The following CHRM2 variants were observed in gnomAD, a reference collection of about 807,000 sequenced individuals.
CHRM2 encodes muscarinic acetylcholine receptor M2.
A neutral mutation model predicts 25.0 loss-of-function variants in CHRM2; 8 were observed. The observed-to-expected ratio is 0.32, with a 90% CI of 0.19 to 0.58. CHRM2 has a LOEUF of 0.58. CHRM2 is among the 20% of genes least tolerant of loss of function. The pLI is 0.88. For synonymous variants in CHRM2, 202 were observed against 205.7 expected, an observed-to-expected ratio of 0.98 and a Z score of 0.15; for missense variants, 440 against 567.1, an observed-to-expected ratio of 0.78 and a Z score of 2.28.
At chr7:136,922,800 G>A (rs1423038797) in intron 2 of CHRM2, among the ~76,000 whole-genome samples, 1 of 152,174 alleles carries the variant, frequency 6.6e-6, no homozygotes, top group Admixed American at 6.5e-5. Context: ...GGCTCTGTAT[G>A]TTGCATTGTT....
intron 2 of CHRM2, among the ~76,000 whole-genome samples, chr7:136,939,390 C>T (rs1349838320): frequency 6.6e-6 from 1 of 152,128 alleles, no homozygotes; most frequent in Non-Finnish European, 1.5e-5. Context: ...TTCTAATGCC[C>T]CTTTTGGGAT....
intron 2 of CHRM2, among the ~76,000 whole-genome samples, chr7:136,932,267 A>C (rs1799149943): frequency 6.6e-6 from 1 of 152,214 alleles, no homozygotes; most frequent in South Asian, 2.1e-4. Context: ...AGGAAACAAA[A>C]TGGAAATAGA....
At chr7:136,984,297 G>A (rs1219976745) in intron 2 of CHRM2, among the ~76,000 whole-genome samples, 3 of 152,282 alleles carry the variant, frequency 2.0e-5, no homozygotes, top group African/African-American at 7.2e-5. Flanking sequence ...CCCCCACCAA[G>A]CTGGAGCATC....
chr7:136,908,240 A>G (rs1797661910), intron 2 of CHRM2, among the ~76,000 whole-genome samples: 1 of 151,900 alleles, frequency 6.6e-6, no homozygotes, highest in Admixed American at 6.6e-5. Context: ...GAACAGTTTT[A>G]CGTCATCCTT....
At chr7:136,986,868 T>G (rs1450155415) in intron 2 of CHRM2, among the ~76,000 whole-genome samples, 1 of 152,194 alleles carries the variant, frequency 6.6e-6, no homozygotes, top group African/African-American at 2.4e-5. Context: ...TCTTATTGTA[T>G]ATGAAATACA....
At chr7:136,972,651 T>C (rs1027984772) in intron 2 of CHRM2, among the ~76,000 whole-genome samples, 3 of 152,214 alleles carry the variant, frequency 2.0e-5, no homozygotes, top group Non-Finnish European at 4.4e-5. Context: ...AATGTCTGCA[T>C]TGTTGATGAA....
At chr7:136,999,800 C>T (rs1803864146) in intron 3 of CHRM2, among the ~76,000 whole-genome samples, 1 of 152,128 alleles carries the variant, frequency 6.6e-6, no homozygotes, top group Non-Finnish European at 1.5e-5. Flanking sequence ...CCACAGTCTG[C>T]AACCAAGGTT....
chr7:136,915,125 A>G (rs547893568), intron 2 of CHRM2, among the ~76,000 whole-genome samples: 2 of 152,004 alleles, frequency 1.3e-5, no homozygotes, highest in South Asian at 4.1e-4. Context: ...CATTCTGGTT[A>G]AGAAATGTAC....
intron 2 of CHRM2, among the ~76,000 whole-genome samples, chr7:136,949,964 C>G (rs1237746743): frequency 6.6e-6 from 1 of 152,112 alleles, no homozygotes; most frequent in East Asian, 1.9e-4. Context: ...GGGAAAATTT[C>G]TCCAGCAATG....
intron 3 of CHRM2, among the ~76,000 whole-genome samples, chr7:137,008,898 T>G (rs1389895904): frequency 6.6e-6 from 1 of 152,082 alleles, no homozygotes; most frequent in African/African-American, 2.4e-5. Flanking sequence ...GCAGGTTTTA[T>G]GCCATTGTGT....
intron 2 of CHRM2, among the ~76,000 whole-genome samples, chr7:136,915,805 T>C (rs1230035933): frequency 2.0e-5 from 3 of 151,488 alleles, no homozygotes. Flanking sequence ...CAATAAAAAA[T>C]ATGGCAAGCA....
intron 2 of CHRM2, among the ~76,000 whole-genome samples, chr7:136,944,756 C>T (rs969984364): frequency 4.6e-5 from 7 of 152,050 alleles, no homozygotes; most frequent in Admixed American, 1.3e-4. Context: ...CATTGTTTTC[C>T]GTAGTGGTTG....
At chr7:137,004,141 T>C (rs1455908566) in intron 3 of CHRM2, among the ~76,000 whole-genome samples, 1 of 152,146 alleles carries the variant, frequency 6.6e-6, no homozygotes, top group African/African-American at 2.4e-5. Flanking sequence ...CAAGTCCCAA[T>C]CCATTTGCTG....
chr7:136,880,273 C>T (rs561671201), intron 2 of CHRM2, among the ~76,000 whole-genome samples: 4 of 151,960 alleles, frequency 2.6e-5, no homozygotes, highest in African/African-American at 9.6e-5. Flanking sequence ...CTGAGATGCA[C>T]TTTCAGAAAT....
intron 2 of CHRM2, among the ~76,000 whole-genome samples, chr7:136,960,811 A>C (rs1801024318): frequency 6.6e-6 from 1 of 152,102 alleles, no homozygotes; most frequent in Non-Finnish European, 1.5e-5. Flanking sequence ...TTTTATTATT[A>C]TTTTGTGATG....
chr7:136,876,498 T>C (rs1296527827), intron 2 of CHRM2, among the ~76,000 whole-genome samples: 1 of 152,174 alleles, frequency 6.6e-6, no homozygotes, highest in Non-Finnish European at 1.5e-5. Context: ...TTTACTATTA[T>C]TTTATTGCAT....
chr7:136,951,013 C>T (rs1800382622), intron 2 of CHRM2: 1 of 152,044 alleles, frequency 6.6e-6, no homozygotes, highest in Admixed American at 6.6e-5. Flanking sequence ...GTTGTCCAGG[C>T]TGATCTTATA....
At chr7:136,904,271 G>A (rs1797407037) in intron 2 of CHRM2, among the ~76,000 whole-genome samples, 1 of 151,370 alleles carries the variant, frequency 6.6e-6, no homozygotes, top group South Asian at 2.1e-4. Flanking sequence ...GAAAACTTCT[G>A]GTAAAAAGCT....
At chr7:136,871,356 C>G (rs556144532) in intron 2 of CHRM2, 250 of 152,604 alleles carry the variant, frequency 1.6e-3, no homozygotes, top group African/African-American at 5.8e-3. Flanking sequence ...TGGGCGTCCC[C>G]GCCAGGAGCC....
Sources: gnomAD v4.1 joint callset for allele counts (sites outside exome capture counted in the v4.1 genomes callset) on GRCh38, gnomAD v4.1.1 for gene constraint, MANE v1.5 for transcripts, NCBI Gene and HGNC (gene_info 2026-07-23, HGNC 2026-07-21) for gene names.